The following ASB4 variants were observed in gnomAD, a reference collection of about 807,000 sequenced individuals.
ASB4 encodes ankyrin repeat and SOCS box protein 4.
A neutral mutation model predicts 38.6 loss-of-function variants in ASB4; 35 were observed. The observed-to-expected ratio is 0.91, with a 90% CI of 0.69 to 1.20. The LOEUF (loss-of-function observed/expected upper bound fraction) is 1.20. ASB4 is among the 50% of genes most tolerant of loss of function. ASB4 has a pLI of 0.00. For missense variants in ASB4, 557 were observed against 527.2 expected, an observed-to-expected ratio of 1.06 and a Z score of -0.55; for synonymous variants, 195 against 201.3, an observed-to-expected ratio of 0.97 and a Z score of 0.26.
chr7:95,485,791 A>C (rs893598506), upstream of ASB4: 1 of 539,184 alleles, frequency 1.9e-6, no homozygotes. Flanking sequence ...AGGACCTGAA[A>C]ATGTAGTGAC....
chr7:95,548,943 C>T, the ASB4 span, among the ~76,000 whole-genome samples: 3 of 152,096 alleles, frequency 2.0e-5, no homozygotes, highest in African/African-American at 7.2e-5. Flanking sequence ...ACAGATTATG[C>T]AATTGCCTAG....
intron 2 of ASB4, among the ~76,000 whole-genome samples, chr7:95,521,756 T>C (rs1790665257): frequency 6.6e-6 from 1 of 151,068 alleles, no homozygotes. Context: ...AAAAGTGAGA[T>C]ACAATGTACG....
At chr7:95,482,026 A>T (rs567718250), upstream of ASB4, among the ~76,000 whole-genome samples, 20 of 152,194 alleles carry the variant, frequency 1.3e-4, no homozygotes, top group Non-Finnish European at 2.6e-4. Context: ...CAGGTCTCAC[A>T]CCTGCTATTA....
downstream of ASB4, chr7:95,544,275 A>G (rs1370925719): frequency 2.0e-5 from 3 of 152,190 alleles, no homozygotes; most frequent in Non-Finnish European, 2.9e-5. Context: ...ACTTCTCAAC[A>G]TGGCAGTGTT....
At chr7:95,505,048 C>T (rs956695934) in intron 2 of ASB4, among the ~76,000 whole-genome samples, 9 of 152,172 alleles carry the variant, frequency 5.9e-5, no homozygotes, top group African/African-American at 2.2e-4. Context: ...TTTAGAATCA[C>T]GAATGAAACA....
intron 2 of ASB4, among the ~76,000 whole-genome samples, chr7:95,507,145 T>G (rs1790421195): frequency 6.6e-6 from 1 of 152,140 alleles, no homozygotes; most frequent in Admixed American, 6.5e-5. Context: ...TTTGTTTGTT[T>G]GTTTGTTTTT....
At chr7:95,527,595 C>G (rs962088330) in intron 2 of ASB4, among the ~76,000 whole-genome samples, 10 of 152,108 alleles carry the variant, frequency 6.6e-5, no homozygotes, top group Non-Finnish European at 1.3e-4. Flanking sequence ...CCCCTGGGTA[C>G]CTTTGCTGGT....
chr7:95,470,968 GC>G, the ASB4 span, among the ~76,000 whole-genome samples: 1 of 152,136 alleles, frequency 6.6e-6, no homozygotes, highest in Non-Finnish European at 1.5e-5. Flanking sequence ...TTCCTTCAGA[GC>G]CCTAAATTCA....
intron 2 of ASB4, among the ~76,000 whole-genome samples, chr7:95,507,424 A>C (rs1790425591): frequency 1.3e-5 from 2 of 152,182 alleles, no homozygotes; most frequent in East Asian, 3.9e-4. Context: ...GTCTTAGTTC[A>C]GACTTCACTT....
intron 1 of ASB4, among the ~76,000 whole-genome samples, chr7:95,493,237 C>G (rs1410031959): frequency 2.0e-5 from 3 of 152,038 alleles, no homozygotes; most frequent in Non-Finnish European, 4.4e-5. Context: ...ATCCTCAGTC[C>G]ATTAGACCTT....
chr7:95,493,894 A>G (rs1790210017), intron 1 of ASB4, among the ~76,000 whole-genome samples: 1 of 152,034 alleles, frequency 6.6e-6, no homozygotes, highest in African/African-American at 2.4e-5. Flanking sequence ...TGATTGACGG[A>G]TGTATCATAA....
chr7:95,550,924 C>T, the ASB4 span, among the ~76,000 whole-genome samples: 1 of 152,112 alleles, frequency 6.6e-6, no homozygotes, highest in Non-Finnish European at 1.5e-5. Flanking sequence ...CAACTTGGCC[C>T]CAGCTCTAAA....
Position 95,502,305 on chromosome 7 carries a change from G to T in ASB4, c.487+6248G>T, listed in dbSNP as rs1413219386. Among the ~76,000 whole-genome samples the T allele has an allele frequency of 4.0e-5, 6 of 150,050 alleles. No individual in the cohort carries two copies. The East Asian group carries it at 7.8e-4, about 20-fold the overall frequency. The stretch of plus-strand genomic sequence containing the variant: ...TTGTTGTTGTTTGTTACGTTAATAA[G>T]CATACAAAAGATAATACATATATGA... On this transcript the variant is annotated intron_variant, in intron 2 of 4. Coordinates refer to ENST00000325885, the MANE Select transcript of ASB4 (RefSeq NM_016116.3).
downstream of ASB4, among the ~76,000 whole-genome samples, chr7:95,541,293 T>A (rs1455809969): frequency 6.6e-6 from 1 of 152,234 alleles, no homozygotes; most frequent in Non-Finnish European, 1.5e-5. Context: ...GGTTAAGTTA[T>A]TAACAGATTA....
At chr7:95,526,815 G>T (rs1304822000) in intron 2 of ASB4, among the ~76,000 whole-genome samples, 1 of 152,156 alleles carries the variant, frequency 6.6e-6, no homozygotes, top group Non-Finnish European at 1.5e-5. Flanking sequence ...AAAAATTCCA[G>T]CAGCGCTGAT....
chr7:95,520,033 G>A (rs1403641069), intron 2 of ASB4, among the ~76,000 whole-genome samples: 1 of 152,136 alleles, frequency 6.6e-6, no homozygotes, highest in Non-Finnish European at 1.5e-5. Context: ...AAATGGGTAG[G>A]TTCAGTTTGG....
At chr7:95,532,362 G>T (rs1229746668) in intron 3 of ASB4, among the ~76,000 whole-genome samples, 1 of 152,056 alleles carries the variant, frequency 6.6e-6, no homozygotes, top group Non-Finnish European at 1.5e-5. Context: ...AGAATTATAG[G>T]GTCTGCAATT....
Position 95,495,974 on chromosome 7 carries a change from G to T in ASB4, c.404G>T (p.Cys135Phe). Residue 135 changes from cysteine (C) to phenylalanine (F), a missense_variant, in exon 2 of 5, where the codon TGC becomes TTC. Cys to Phe is a radical substitution (Grantham distance 205). Transcript: ENST00000325885. ...TGTGATCGTGGGGCAAAGCTCAATT[G>T]CTACTCCTTAAGTGGACACACAGCT... is the stretch of plus-strand genomic sequence containing the variant. ...ILCDRGAKLN[C>F]YSLSGHTALH... 1 of 1,614,056 alleles carries T rather than the reference G, an allele frequency of 6.2e-7. No individual in the cohort carries two copies. Among genetic ancestry groups the T allele is most frequent in the Non-Finnish European group, 8.5e-7 (1 of 1,179,968 alleles).
chr7:95,517,331 G>A (rs922501564), intron 2 of ASB4, among the ~76,000 whole-genome samples: 1 of 152,048 alleles, frequency 6.6e-6, no homozygotes, highest in Non-Finnish European at 1.5e-5. Flanking sequence ...ACCATGCCAG[G>A]TCTAGTTTTA....
Sources: allele counts gnomAD v4.1 joint callset (sites outside exome capture counted in the v4.1 genomes callset), GRCh38; gene constraint gnomAD v4.1.1; transcripts MANE v1.5; gene names NCBI Gene and HGNC (gene_info 2026-07-23, HGNC 2026-07-21).